CFAP299: variants seen among roughly 807,000 people sequenced by gnomAD.
The protein encoded by CFAP299 is cilia- and flagella-associated protein 299.
In CFAP299, 21 loss-of-function variants were observed where a neutral mutation model predicts 27.0. The ratio of observed to expected loss-of-function variants is 0.78; its 90% confidence interval spans 0.55 to 1.12. CFAP299 has a LOEUF of 1.12. CFAP299 is among the 50% of genes most tolerant of loss of function. The pLI, the probability that CFAP299 is intolerant of heterozygous loss-of-function variation, is 0.00. For synonymous variants in CFAP299, 104 were observed against 98.1 expected (o/e 1.06, Z -0.36); for missense variants, 310 against 276.6 (o/e 1.12, Z -0.86).
intron 4 of CFAP299, among the ~76,000 whole-genome samples, chr4:80,936,607 G>A (rs948914665): frequency 2.0e-5 from 3 of 152,002 alleles, no homozygotes; most frequent in Non-Finnish European, 4.4e-5. Context: ...GGCAAAAAGA[G>A]GGGAACAACG....
intron 3 of CFAP299, among the ~76,000 whole-genome samples, chr4:80,699,482 G>T (rs1721327229): frequency 6.6e-6 from 1 of 152,162 alleles, no homozygotes; most frequent in African/African-American, 2.4e-5. Context: ...TCCTCATAGT[G>T]TTCCAGGTGG....
intron 3 of CFAP299, among the ~76,000 whole-genome samples, chr4:80,778,339 G>A (rs1029163743): frequency 1.3e-5 from 2 of 152,040 alleles, no homozygotes; most frequent in African/African-American, 4.8e-5. Flanking sequence ...GAGCCCCCTT[G>A]TACAAATTGG....
At chr4:80,862,004 C>G (rs910839284) in intron 3 of CFAP299, among the ~76,000 whole-genome samples, 6 of 152,092 alleles carry the variant, frequency 3.9e-5, no homozygotes, top group Non-Finnish European at 7.4e-5. Flanking sequence ...CCTGGACATC[C>G]TAGAACATTT....
At chr4:80,855,709 A>G (rs1221712464) in intron 3 of CFAP299, among the ~76,000 whole-genome samples, 1 of 152,174 alleles carries the variant, frequency 6.6e-6, no homozygotes, top group East Asian at 1.9e-4. Flanking sequence ...TTCCAATTTC[A>G]TCTATGTCCC....
At chr4:80,446,530 T>C (rs1728623204) in intron 2 of CFAP299, among the ~76,000 whole-genome samples, 1 of 152,202 alleles carries the variant, frequency 6.6e-6, no homozygotes, top group Non-Finnish European at 1.5e-5. Context: ...TTAAGTAATC[T>C]TATCCTTTTC....
chr4:80,364,407 C>G (rs1263926658), intron 2 of CFAP299, among the ~76,000 whole-genome samples: 1 of 152,038 alleles, frequency 6.6e-6, no homozygotes, highest in Non-Finnish European at 1.5e-5. Context: ...GGGTCAAGAC[C>G]CTTTTACCCT....
At chr4:80,780,895 A>G (rs1399556755) in intron 3 of CFAP299, among the ~76,000 whole-genome samples, 1 of 151,936 alleles carries the variant, frequency 6.6e-6, no homozygotes, top group African/African-American at 2.4e-5. Context: ...TTTTATGCCT[A>G]TAAATTAGAC....
At position 80,870,049 on chromosome 4, in the gene CFAP299, C is replaced by T. The variant is rs752623272; in HGVS notation, c.390C>T (p.Ile130=). 15 of 1,613,314 alleles carry T rather than the reference C, an allele frequency of 9.3e-6. 1 individual carries two copies. The highest frequency in any genetic ancestry group is 6.7e-5 in the African/African-American group (5 of 74,890). The stretch of plus-strand genomic sequence containing the variant: ...ATGGGCAAGAGATATCAGGATACAT[C>T]GACTATGCCCACAGGCTAAAGACGG... ...NSHGQEISGY[I]DYAHRLKTED... is the part of the protein sequence containing the mutation. Residue 130 remains isoleucine (I), a synonymous_variant, in exon 4 of 6, where the codon ATC becomes ATT. Coordinates refer to ENST00000358105, the MANE Select transcript of CFAP299 (RefSeq NM_152770.3).
intron 2 of CFAP299, among the ~76,000 whole-genome samples, chr4:80,472,491 T>G (rs916357548): frequency 6.6e-6 from 1 of 152,166 alleles, no homozygotes; most frequent in South Asian, 2.1e-4. Flanking sequence ...ATTTCTATAT[T>G]CTGGTATAGT....
At chr4:80,896,560 T>A (rs1364898281) in intron 4 of CFAP299, among the ~76,000 whole-genome samples, 2 of 152,058 alleles carry the variant, frequency 1.3e-5, no homozygotes, top group African/African-American at 4.8e-5. Flanking sequence ...AAATCATATG[T>A]AACACAAGTA....
At chr4:80,558,255 T>C (rs1233453774) in intron 2 of CFAP299, among the ~76,000 whole-genome samples, 4 of 152,104 alleles carry the variant, frequency 2.6e-5, no homozygotes, top group Non-Finnish European at 5.9e-5. Flanking sequence ...ATAAACATCA[T>C]TTAAACAATT....
rs370357796 is a variant in CFAP299 at position 80,390,952 on chromosome 4, CATGTAT to C, written c.242+28071_242+28076del. Among the ~76,000 whole-genome samples the C allele has an allele frequency of 3.0e-3, 113 of 37,808 alleles. 6 individuals are homozygous for C. Among genetic ancestry groups the C allele is most frequent in the African/African-American group, 4.3e-3 (53 of 12,454 alleles). 24.8% of individuals were successfully genotyped at this position (37,808 alleles called of 152,430 possible). A position where few individuals can be genotyped will look rare whatever the true frequency, so the allele number is the denominator to read the frequency against. Reference sequence around the variant, plus strand: ...ATATATGTATATATGTATGTACACACATGTATATATGTATATATGTATGTACACACA... The same window carrying C: ...ATATATGTATATATGTATGTACACACATATGTATATATGTATGTACACACA... On this transcript the variant is annotated intron_variant, in intron 2 of 5. Transcript: ENST00000358105.
At chr4:80,882,766 A>T (rs1733775536) in intron 4 of CFAP299, among the ~76,000 whole-genome samples, 1 of 152,158 alleles carries the variant, frequency 6.6e-6, no homozygotes, top group East Asian at 1.9e-4. Flanking sequence ...GAGATAATAT[A>T]TTCAAAATAT....
intron 3 of CFAP299, among the ~76,000 whole-genome samples, chr4:80,768,963 T>C (rs1463330132): frequency 2.6e-5 from 4 of 152,196 alleles, no homozygotes; most frequent in Admixed American, 2.6e-4. Context: ...TCTGAGATGA[T>C]TCAAGTAAAG....
chr4:80,431,545 C>G (rs996499032), intron 2 of CFAP299, among the ~76,000 whole-genome samples: 1 of 151,704 alleles, frequency 6.6e-6, no homozygotes, highest in Non-Finnish European at 1.5e-5. Flanking sequence ...TCTTCTTTCC[C>G]TTCCCCTTCT....
chr4:80,325,629 TTTTAA>T, the CFAP299 span, among the ~76,000 whole-genome samples: 3 of 152,226 alleles, frequency 2.0e-5, no homozygotes, highest in African/African-American at 7.2e-5. Context: ...AAATTAGCCA[TTTTAA>T]TTCCACTGCC....
At chr4:80,472,614 A>G (rs900473411) in intron 2 of CFAP299, among the ~76,000 whole-genome samples, 1 of 152,170 alleles carries the variant, frequency 6.6e-6, no homozygotes, top group Non-Finnish European at 1.5e-5. Flanking sequence ...CATAGGATTT[A>G]TTGAGGGAAC....
At chr4:80,834,662 T>G (rs1467026031) in intron 3 of CFAP299, among the ~76,000 whole-genome samples, 1 of 152,202 alleles carries the variant, frequency 6.6e-6, no homozygotes, top group African/African-American at 2.4e-5. Context: ...AGAATGTAAG[T>G]GTAATTTCAT....
chr4:80,949,539 A>G (rs1274205918), intron 5 of CFAP299, among the ~76,000 whole-genome samples: 2 of 42,104 alleles, frequency 4.8e-5, no homozygotes, highest in African/African-American at 1.1e-4. Context: ...TTTAAAAACA[A>G]CAACAACAAA....
Sources: gnomAD v4.1 joint callset for allele counts (sites outside exome capture counted in the v4.1 genomes callset) on GRCh38, gnomAD v4.1.1 for gene constraint, MANE v1.5 for transcripts, NCBI Gene and HGNC (gene_info 2026-07-23, HGNC 2026-07-21) for gene names.